The following AGL variants were observed in gnomAD, a reference collection of about 807,000 sequenced individuals.
The protein encoded by AGL is glycogen debranching enzyme.
Under a neutral mutation model 199.3 loss-of-function variants are expected in AGL, and 128 were observed. The ratio of observed to expected loss-of-function variants is 0.64; its 90% CI spans 0.56 to 0.74. The LOEUF is 0.74. Among genes scored for constraint, AGL ranks in the 30% least tolerant of loss-of-function variants. The probability of loss-of-function intolerance (pLI) is 0.00; values close to 1 mark genes in which losing one functional copy is unlikely to be tolerated. For missense variants in AGL, 1,809 were observed against 1,820.8 expected (o/e 0.99, Z 0.12); for synonymous variants, 584 against 594.7 (o/e 0.98, Z 0.26).
chr1:99,863,469 A>G (rs1376068991), intron 4 of AGL, among the ~76,000 whole-genome samples: 1 of 152,120 alleles, frequency 6.6e-6, no homozygotes, highest in Admixed American at 6.5e-5. Context: ...GACATGTGCT[A>G]CCATAAATAC....
intron 20 of AGL, among the ~76,000 whole-genome samples, chr1:99,885,415 C>G (rs1652381263): frequency 6.6e-6 from 1 of 152,086 alleles, no homozygotes; most frequent in African/African-American, 2.4e-5. Context: ...ATCATTAGTA[C>G]TAGTATAAAT....
chr1:99,879,385 A>G (rs1298639423), intron 12 of AGL, among the ~76,000 whole-genome samples: 1 of 152,060 alleles, frequency 6.6e-6, no homozygotes, highest in Non-Finnish European at 1.5e-5. Context: ...GGGAGTTTGC[A>G]ACCAGCCTGA....
chr1:99,911,588 C>T (rs1036266180), intron 28 of AGL, among the ~76,000 whole-genome samples: 3 of 152,056 alleles, frequency 2.0e-5, no homozygotes, highest in Admixed American at 6.6e-5. Context: ...GGACTACAGG[C>T]GCACACTACC....
chr1:99,864,655 C>G, intron 5 of AGL, 66 bp downstream of exon 5: 3 of 1,359,694 alleles, frequency 2.2e-6, no homozygotes, highest in Middle Eastern at 2.0e-4. Flanking sequence ...CATATACACA[C>G]AAATAAGAGA....
intron 2 of AGL, among the ~76,000 whole-genome samples, chr1:99,854,425 G>T (rs773292390): frequency 1.3e-5 from 2 of 152,192 alleles, no homozygotes; most frequent in Non-Finnish European, 2.9e-5. Context: ...AAATGAGAAT[G>T]TGCCACCTTT....
chr1:99,864,324 T>C (rs1191686876), intron 4 of AGL, 62 bp from the exon 5 acceptor site: 1 of 1,402,762 alleles, frequency 7.1e-7, no homozygotes, highest in Non-Finnish European at 1.0e-6. Context: ...TATATTTTCT[T>C]CATTTTAGGC....
At chr1:99,859,437 T>C (rs1353126199) in intron 2 of AGL, among the ~76,000 whole-genome samples, 1 of 152,226 alleles carries the variant, frequency 6.6e-6, no homozygotes, top group Non-Finnish European at 1.5e-5. Context: ...ATGGTGTATG[T>C]ACTCTACCTC....
chr1:99,861,469 A>T (rs200998407), intron 2 of AGL, 34 bp from the exon 3 acceptor site: 1 of 1,613,312 alleles, frequency 6.2e-7, no homozygotes, highest in Admixed American at 1.7e-5. Context: ...TTTAAGTCCT[A>T]CGATGAGTTT....
In AGL at chr1:99,916,470, T is replaced by G; in HGVS notation, c.4320T>G (p.Ala1440=). 1 of 1,612,740 alleles carries G rather than the reference T, an allele frequency of 6.2e-7. No homozygotes were observed. The highest frequency in any genetic ancestry group is 8.5e-7 in the Non-Finnish European group (1 of 1,179,180). Residue 1440 remains alanine, a synonymous_variant, in exon 32 of 34, where the codon GCT becomes GCG. Transcript: ENST00000361915. Reference sequence around the variant, plus strand: ...TAGACAATGACAACTACAATCTTGCTAAAGGTTTCAATTATCACCAAGGAC... The same window carrying G: ...TAGACAATGACAACTACAATCTTGCGAAAGGTTTCAATTATCACCAAGGAC... ...NALDNDNYNL[A]KGFNYHQGPE... is the part of the protein sequence containing the mutation.
chr1:99,857,411 G>A (rs1421080133), intron 2 of AGL, among the ~76,000 whole-genome samples: 1 of 152,092 alleles, frequency 6.6e-6, no homozygotes, highest in Non-Finnish European at 1.5e-5. Flanking sequence ...AGACGGGGTG[G>A]CGGCCGGGCA....
At chr1:99,917,224 A>G (rs1655191641) in intron 33 of AGL, among the ~76,000 whole-genome samples, 1 of 152,202 alleles carries the variant, frequency 6.6e-6, no homozygotes, top group African/African-American at 2.4e-5. Context: ...TATCTTTATA[A>G]GAGTATAAAT....
rs533186708 is a variant in AGL at position 99,898,116 on chromosome 1, C to T, written c.3362+1728C>T. The stretch of plus-strand genomic sequence containing the variant: ...GGCTGGAGTGCAGTGGCGCAATCTC[C>T]GCTCACTGCAAGCTCCGCCTCCCGG... On this transcript the variant is annotated intron_variant, in intron 25 of 33. Coordinates refer to ENST00000361915, the MANE Select transcript of AGL (RefSeq NM_000642.3). 6.3e-4 allele frequency among the ~76,000 whole-genome samples: 96 copies of T among 151,570 alleles called. 1 individual carries two copies. The highest frequency in any genetic ancestry group is 3.4e-3 in the Middle Eastern group (1 of 294).
chr1:99,894,951 G>A (rs1054502706), intron 24 of AGL, among the ~76,000 whole-genome samples: 14 of 152,130 alleles, frequency 9.2e-5, no homozygotes, highest in African/African-American at 2.2e-4. Flanking sequence ...TTCAGATAGC[G>A]TTAAGTGCTT....
chr1:99,904,057 A>G (rs1393292571), intron 27 of AGL, among the ~76,000 whole-genome samples: 1 of 152,192 alleles, frequency 6.6e-6, no homozygotes. Context: ...TGGTAGAGGT[A>G]GACTTTACTC....
intron 31 of AGL, among the ~76,000 whole-genome samples, chr1:99,916,056 T>C (rs537932597): frequency 1.3e-5 from 2 of 152,258 alleles, no homozygotes; most frequent in South Asian, 4.1e-4. Flanking sequence ...AATTATTCTA[T>C]ATATATTTCA....
chr1:99,864,095 G>A (rs1295440182), intron 4 of AGL, among the ~76,000 whole-genome samples: 2 of 152,136 alleles, frequency 1.3e-5, no homozygotes, highest in South Asian at 2.1e-4. Flanking sequence ...TTTACTACAT[G>A]TTAAGTATAT....
intron 2 of AGL, among the ~76,000 whole-genome samples, chr1:99,856,668 A>G (rs1649494601): frequency 6.6e-6 from 1 of 151,986 alleles, no homozygotes; most frequent in Non-Finnish European, 1.5e-5. Context: ...GCTGCCTCCA[A>G]GCATCTGTTT....
At chr1:99,897,975 G>A (rs1170623773) in intron 25 of AGL, among the ~76,000 whole-genome samples, 2 of 151,860 alleles carry the variant, frequency 1.3e-5, no homozygotes, top group Non-Finnish European at 2.9e-5. Flanking sequence ...ACATAGAACT[G>A]TCTAGATTAT....
At chr1:99,880,189 A>G in intron 13 of AGL, 143 bp downstream of exon 13, 1 of 1,296,056 alleles carries the variant, frequency 7.7e-7, no homozygotes, top group Admixed American at 2.0e-5. Context: ...ACATATTCTA[A>G]TATAACTCAG....
Sources: allele counts gnomAD v4.1 joint callset (sites outside exome capture counted in the v4.1 genomes callset), GRCh38; gene constraint gnomAD v4.1.1; transcripts MANE v1.5; gene names NCBI Gene and HGNC (gene_info 2026-07-23, HGNC 2026-07-21).